The following FBXL7 variants were observed in gnomAD, a reference collection of about 807,000 sequenced individuals.
FBXL7 encodes the protein F-box/LRR-repeat protein 7.
FBXL7 carries 12 observed loss-of-function variants against 38.3 expected under a neutral mutation model. The ratio of observed to expected loss-of-function variants is 0.31; its 90% CI spans 0.20 to 0.51. FBXL7 has a LOEUF of 0.51. FBXL7 is among the 20% of genes least tolerant of loss of function. The pLI is 0.98. For synonymous variants in FBXL7, 297 were observed against 300.9 expected, an observed-to-expected ratio of 0.99 and a Z score of 0.13; for missense variants, 567 against 676.4, an observed-to-expected ratio of 0.84 and a Z score of 1.79.
At chr5:15,887,234 TTCCAGCCAATGTTTCAC>T (rs1189931652) in intron 2 of FBXL7, among the ~76,000 whole-genome samples, 1 of 152,194 alleles carries the variant, frequency 6.6e-6, no homozygotes, top group Non-Finnish European at 1.5e-5. Flanking sequence ...AAGTTTACAT[TTCCAGCCAATGTTTCAC>T]TCCTTATGTT....
chr5:15,538,476 G>C (rs529042708), intron 1 of FBXL7, among the ~76,000 whole-genome samples: 11 of 152,214 alleles, frequency 7.2e-5, no homozygotes, highest in Admixed American at 7.2e-4. Context: ...ACCCCTTTTT[G>C]TGTCTTGTAC....
intron 2 of FBXL7, among the ~76,000 whole-genome samples, chr5:15,921,178 T>C (rs2126445754): frequency 6.6e-6 from 1 of 152,238 alleles, no homozygotes; most frequent in Admixed American, 6.5e-5. Flanking sequence ...GGTCAGGAGT[T>C]CGAGACCAGC....
At chr5:15,792,012 A>AT (rs1413831175) in intron 2 of FBXL7, among the ~76,000 whole-genome samples, 1 of 152,138 alleles carries the variant, frequency 6.6e-6, no homozygotes, top group East Asian at 1.9e-4. Flanking sequence ...CACAACAAGT[A>AT]TTTTTGTTTA....
chr5:15,846,434 G>A (rs1738904968), intron 2 of FBXL7, among the ~76,000 whole-genome samples: 1 of 152,172 alleles, frequency 6.6e-6, no homozygotes, highest in East Asian at 1.9e-4. Flanking sequence ...ATTTTCAAGA[G>A]TTTCTTTGAG....
At chr5:15,707,969 C>G (rs976133627) in intron 2 of FBXL7, among the ~76,000 whole-genome samples, 1 of 152,194 alleles carries the variant, frequency 6.6e-6, no homozygotes, top group African/African-American at 2.4e-5. Flanking sequence ...TCTATCCCAT[C>G]TTTATAAAAA....
chr5:15,880,722 T>TTTAG (rs66793332), intron 2 of FBXL7, among the ~76,000 whole-genome samples: 1 of 1,454 alleles, frequency 6.9e-4, no homozygotes, highest in African/African-American at 2.6e-3. Context: ...TATACTATAT[T>TTTAG]ATATATATAT....
intron 1 of FBXL7, among the ~76,000 whole-genome samples, chr5:15,604,349 C>CTTTTA (rs1164216075): frequency 3.9e-5 from 6 of 152,014 alleles, no homozygotes; most frequent in African/African-American, 4.8e-5. Context: ...ACTTAGATAA[C>CTTTTA]TTTTATTTTA....
intron 2 of FBXL7, among the ~76,000 whole-genome samples, chr5:15,883,378 T>C (rs1157923310): frequency 6.6e-6 from 1 of 152,188 alleles, no homozygotes; most frequent in Non-Finnish European, 1.5e-5. Flanking sequence ...TATTGAAAAA[T>C]AGACTATGAG....
At chr5:15,588,679 G>A (rs1032555967) in intron 1 of FBXL7, among the ~76,000 whole-genome samples, 2 of 152,106 alleles carry the variant, frequency 1.3e-5, no homozygotes, top group African/African-American at 4.8e-5. Flanking sequence ...GAGCCACCGC[G>A]CCCGGCCGCC....
intron 2 of FBXL7, among the ~76,000 whole-genome samples, chr5:15,631,167 C>G (rs1740985685): frequency 6.6e-6 from 1 of 152,132 alleles, no homozygotes; most frequent in South Asian, 2.1e-4. Flanking sequence ...ACCAAATTTA[C>G]TTTCTTTTCC....
intron 1 of FBXL7, among the ~76,000 whole-genome samples, chr5:15,577,653 GGA>G (rs1362481005): frequency 4.0e-5 from 6 of 150,114 alleles, no homozygotes; most frequent in Non-Finnish European, 8.9e-5. Context: ...TATAGATTAA[GGA>G]GGCCTTGAGG....
chr5:15,549,585 AT>A (rs1377813127), intron 1 of FBXL7, among the ~76,000 whole-genome samples: 12 of 152,324 alleles, frequency 7.9e-5, no homozygotes, highest in Admixed American at 6.5e-4. Context: ...TCACCAAAAA[AT>A]ATTCACATCT....
At chr5:15,835,753 C>T (rs1738577294) in intron 2 of FBXL7, among the ~76,000 whole-genome samples, 1 of 152,148 alleles carries the variant, frequency 6.6e-6, no homozygotes, top group Non-Finnish European at 1.5e-5. Flanking sequence ...GAATCCCAAG[C>T]ATTTCTGTTA....
At chr5:15,745,106 A>G (rs1735980987) in intron 2 of FBXL7, among the ~76,000 whole-genome samples, 1 of 152,220 alleles carries the variant, frequency 6.6e-6, no homozygotes, top group African/African-American at 2.4e-5. Context: ...ACAAAATAAG[A>G]ATAGAGATGA....
intron 1 of FBXL7, among the ~76,000 whole-genome samples, chr5:15,505,140 A>G (rs1217106480): frequency 6.6e-6 from 1 of 152,194 alleles, no homozygotes; most frequent in Non-Finnish European, 1.5e-5. Flanking sequence ...CTCAGGAAAC[A>G]TATCTTGAAA....
chr5:15,537,375 G>T (rs538422005), intron 1 of FBXL7, among the ~76,000 whole-genome samples: 1 of 152,294 alleles, frequency 6.6e-6, no homozygotes, highest in African/African-American at 2.4e-5. Context: ...GACACACCAA[G>T]ACTCCAGACC....
chr5:15,834,993 C>T lies in FBXL7; in HGVS notation c.128-92897C>T, dbSNP rs558604810. ...AATCACATATCAGTAGGAAATCCTT[C>T]CAAGTAATGAGCTGGGCTACTCTTG... On this transcript the variant is annotated intron_variant, in intron 2 of 3. Transcript: ENST00000504595. 4.6e-5 allele frequency among the ~76,000 whole-genome samples: 7 copies of T among 152,304 alleles called. No individual in the cohort carries two copies. The South Asian group carries it at 1.2e-3, about 27-fold the overall frequency.
At chr5:15,778,734 A>G (rs1309437027) in intron 2 of FBXL7, among the ~76,000 whole-genome samples, 1 of 152,114 alleles carries the variant, frequency 6.6e-6, no homozygotes, top group Non-Finnish European at 1.5e-5. Flanking sequence ...GAACACAGGT[A>G]GTTGCCGATG....
At chr5:15,558,562 T>C (rs1234082874) in intron 1 of FBXL7, among the ~76,000 whole-genome samples, 1 of 152,230 alleles carries the variant, frequency 6.6e-6, no homozygotes, top group Non-Finnish European at 1.5e-5. Context: ...GGATTTACTT[T>C]GGAAATAGGC....
Sources: allele counts gnomAD v4.1 joint callset (sites outside exome capture counted in the v4.1 genomes callset), GRCh38; gene constraint gnomAD v4.1.1; transcripts MANE v1.5; gene names NCBI Gene and HGNC (gene_info 2026-07-23, HGNC 2026-07-21).